PTPRD: variants seen among roughly 807,000 people sequenced by gnomAD.
The protein encoded by PTPRD is protein tyrosine phosphatase receptor type D, also known as receptor-type tyrosine-protein phosphatase delta.
Under a neutral mutation model 214.5 loss-of-function variants are expected in PTPRD, and 34 were observed. The ratio of observed to expected loss-of-function variants is 0.16; its 90% confidence interval spans 0.12 to 0.21. PTPRD has a LOEUF of 0.21. Ranked by LOEUF, PTPRD falls within the 10% of genes least tolerant of loss-of-function variation. The probability of loss-of-function intolerance (pLI) is 1.00; values close to 1 mark genes in which losing one functional copy is unlikely to be tolerated. For synonymous variants in PTPRD, 1,128 were observed against 845.7 expected (o/e 1.33, Z -5.79); for missense variants, 2,545 against 2,398.7 (o/e 1.06, Z -1.27).
At chr9:10,400,513 T>TC (rs2098252263) in intron 2 of PTPRD, among the ~76,000 whole-genome samples, 1 of 151,678 alleles carries the variant, frequency 6.6e-6, no homozygotes, top group Non-Finnish European at 1.5e-5. Context: ...TAAAATGCAT[T>TC]CACTGGGGAT....
At chr9:10,580,050 G>A (rs1161713638) in intron 2 of PTPRD, among the ~76,000 whole-genome samples, 1 of 152,188 alleles carries the variant, frequency 6.6e-6, no homozygotes, top group South Asian at 2.1e-4. Context: ...ACATTAGAGG[G>A]TTAACTCTTT....
intron 9 of PTPRD, among the ~76,000 whole-genome samples, chr9:9,249,238 G>C (rs970723641): frequency 6.6e-6 from 1 of 151,912 alleles, no homozygotes; most frequent in Non-Finnish European, 1.5e-5. Context: ...TTCTCCTCGT[G>C]ACATGCCTGC....
intron 3 of PTPRD, among the ~76,000 whole-genome samples, chr9:10,236,420 A>C (rs925832513): frequency 7.2e-5 from 11 of 151,952 alleles, no homozygotes; most frequent in African/African-American, 2.4e-4. Flanking sequence ...TGCTTGGAAG[A>C]TAATCATTCA....
intron 4 of PTPRD, among the ~76,000 whole-genome samples, chr9:9,998,837 C>T (rs1229387100): frequency 6.6e-6 from 1 of 152,194 alleles, no homozygotes; most frequent in African/African-American, 2.4e-5. Context: ...GTACTCTTTC[C>T]TGATTCTCCA....
intron 2 of PTPRD, among the ~76,000 whole-genome samples, chr9:10,600,074 G>C (rs1000312923): frequency 2.6e-5 from 4 of 151,618 alleles, no homozygotes; most frequent in Non-Finnish European, 5.9e-5. Context: ...CAGAGATGGA[G>C]GTTGTAATTG....
intron 2 of PTPRD, among the ~76,000 whole-genome samples, chr9:10,567,607 A>G (rs936536421): frequency 6.6e-6 from 1 of 152,038 alleles, no homozygotes; most frequent in Non-Finnish European, 1.5e-5. Context: ...AAGTTATTTT[A>G]GAATCTGATA....
intron 7 of PTPRD, among the ~76,000 whole-genome samples, chr9:9,725,313 GCTTTT>G (rs1226983962): frequency 1.0e-5 from 1 of 96,204 alleles, no homozygotes; most frequent in African/African-American, 7.2e-5. Flanking sequence ...CCCTGCACAA[GCTTTT>G]TTTTTTTTTG....
chr9:9,691,383 A>T (rs2097267345), intron 7 of PTPRD, among the ~76,000 whole-genome samples: 1 of 151,968 alleles, frequency 6.6e-6, no homozygotes, highest in African/African-American at 2.4e-5. Context: ...GAGAACATGC[A>T]ATGTTTGTTT....
At chr9:10,269,705 A>G (rs1301884739) in intron 3 of PTPRD, among the ~76,000 whole-genome samples, 1 of 152,174 alleles carries the variant, frequency 6.6e-6, no homozygotes, top group Non-Finnish European at 1.5e-5. Context: ...ATTACAACAT[A>G]ACTTACTGGA....
intron 14 of PTPRD, among the ~76,000 whole-genome samples, chr9:8,619,791 G>A (rs939519100): frequency 1.3e-5 from 2 of 151,436 alleles, no homozygotes; most frequent in Non-Finnish European, 2.9e-5. Flanking sequence ...TTTTCCTAGA[G>A]ACCCCCAAAA....
chr9:10,224,605 AT>A (rs1239874876), intron 3 of PTPRD, among the ~76,000 whole-genome samples: 1 of 152,006 alleles, frequency 6.6e-6, no homozygotes, highest in Non-Finnish European at 1.5e-5. Flanking sequence ...TCATTTAACC[AT>A]TTTTTAAGTA....
At chr9:8,934,398 T>TGA in intron 11 of PTPRD, among the ~76,000 whole-genome samples, 1 of 32,556 alleles carries the variant, frequency 3.1e-5, no homozygotes, top group African/African-American at 2.5e-4. Flanking sequence ...TAATTATGTG[T>TGA]GTGTGTGTGT....
At chr9:8,526,531 T>C (rs1397306252) in intron 17 of PTPRD, 96 bp downstream of exon 17, 9 of 1,126,572 alleles carry the variant, frequency 8.0e-6, no homozygotes, top group African/African-American at 1.6e-5. Flanking sequence ...ATGGACATTA[T>C]TGGAATGACG....
At chr9:9,801,059 G>T (rs1008003834) in intron 5 of PTPRD, among the ~76,000 whole-genome samples, 2 of 151,948 alleles carry the variant, frequency 1.3e-5, no homozygotes, top group African/African-American at 4.8e-5. Context: ...TTATTTATTT[G>T]CATTTGAGAA....
At chr9:8,853,428 G>T (rs192363291) in intron 11 of PTPRD, among the ~76,000 whole-genome samples, 1 of 152,188 alleles carries the variant, frequency 6.6e-6, no homozygotes, top group Admixed American at 6.5e-5. Flanking sequence ...TTAAAAAAGG[G>T]AGAGAATTTG....
At chr9:10,447,347 A>ACACC (rs2098807297) in intron 2 of PTPRD, among the ~76,000 whole-genome samples, 1 of 152,010 alleles carries the variant, frequency 6.6e-6, no homozygotes, top group South Asian at 2.1e-4. Flanking sequence ...GTCATGTCCT[A>ACACC]CACCATCATC....
intron 9 of PTPRD, among the ~76,000 whole-genome samples, chr9:9,286,637 C>A (rs936692180): frequency 6.6e-6 from 1 of 151,134 alleles, no homozygotes; most frequent in East Asian, 2.0e-4. Context: ...TCCTGATGCC[C>A]CCAAACCTAG....
At chr9:8,839,116 A>C (rs1428502654) in intron 11 of PTPRD, among the ~76,000 whole-genome samples, 4 of 152,118 alleles carry the variant, frequency 2.6e-5, no homozygotes, top group Non-Finnish European at 4.4e-5. Flanking sequence ...ATGAATAAAA[A>C]CCCTTAGGCA....
At chr9:8,452,987 T>C (rs1051744013) in intron 33 of PTPRD, among the ~76,000 whole-genome samples, 13 of 152,178 alleles carry the variant, frequency 8.5e-5, no homozygotes, top group African/African-American at 3.1e-4. Context: ...AAAATATTTG[T>C]TTCTGTTAAC....
Sources: gnomAD v4.1 joint callset for allele counts (sites outside exome capture counted in the v4.1 genomes callset) on GRCh38, gnomAD v4.1.1 for gene constraint, MANE v1.5 for transcripts, NCBI Gene and HGNC (gene_info 2026-07-23, HGNC 2026-07-21) for gene names.